CSMD1: variants seen among roughly 807,000 people sequenced by gnomAD.
The protein encoded by CSMD1 is CUB and sushi domain-containing protein 1.
Under a neutral mutation model 417.5 loss-of-function variants are expected in CSMD1, and 213 were observed. The ratio of observed to expected loss-of-function variants is 0.51; its 90% confidence interval spans 0.46 to 0.57. The LOEUF (loss-of-function observed/expected upper bound fraction) is 0.57, where lower values mean the gene tolerates loss of function less well. Ranked by LOEUF, CSMD1 falls within the 20% of genes least tolerant of loss-of-function variation. The pLI is 0.00. For missense variants in CSMD1, 6,923 were observed against 4,529.7 expected (o/e 1.53, Z -15.17); for synonymous variants, 2,862 against 1,736.8 (o/e 1.65, Z -16.11).
chr8:4,405,189 C>G (rs946017971), intron 3 of CSMD1, among the ~76,000 whole-genome samples: 4 of 152,124 alleles, frequency 2.6e-5, no homozygotes, highest in Admixed American at 2.6e-4. Flanking sequence ...TTTGTCAACA[C>G]AATGTATTTT....
chr8:4,470,369 C>G (rs1311722812), intron 2 of CSMD1, among the ~76,000 whole-genome samples: 3 of 152,196 alleles, frequency 2.0e-5, no homozygotes, highest in Non-Finnish European at 4.4e-5. Context: ...AATGCTTCCT[C>G]TCTCTTCCCT....
intron 3 of CSMD1, among the ~76,000 whole-genome samples, chr8:4,295,479 T>C (rs1411363442): frequency 7.0e-6 from 1 of 142,848 alleles, no homozygotes; most frequent in African/African-American, 2.5e-5. Context: ...TATACACATA[T>C]AATCTTAAGA....
chr8:4,184,832 G>A (rs1310314896), intron 3 of CSMD1, among the ~76,000 whole-genome samples: 2 of 151,942 alleles, frequency 1.3e-5, no homozygotes, highest in African/African-American at 4.8e-5. Flanking sequence ...ATGTACCCCT[G>A]AATTTAAAAT....
At chr8:4,582,687 C>A (rs893964793) in intron 2 of CSMD1, among the ~76,000 whole-genome samples, 1 of 152,232 alleles carries the variant, frequency 6.6e-6, no homozygotes, top group Admixed American at 6.5e-5. Context: ...AGCCCTCGCT[C>A]GCTCTCGGCG....
chr8:4,328,029 G>A (rs1358488716), intron 3 of CSMD1, among the ~76,000 whole-genome samples: 4 of 152,102 alleles, frequency 2.6e-5, no homozygotes, highest in African/African-American at 9.7e-5. Context: ...GAGGTACTTA[G>A]CGTCAGTTAT....
chr8:4,753,522 G>C (rs1271493620), intron 1 of CSMD1, among the ~76,000 whole-genome samples: 1 of 151,194 alleles, frequency 6.6e-6, no homozygotes, highest in East Asian at 1.9e-4. Flanking sequence ...GCCCACACTC[G>C]TTGCTCGGTA....
At chr8:4,034,559 C>T (rs773743908) in intron 3 of CSMD1, among the ~76,000 whole-genome samples, 1 of 152,080 alleles carries the variant, frequency 6.6e-6, no homozygotes, top group African/African-American at 2.4e-5. Context: ...TCCATTTTAT[C>T]AGGGCAGCCC....
intron 1 of CSMD1, among the ~76,000 whole-genome samples, chr8:4,759,960 T>C (rs1263644371): frequency 6.6e-6 from 1 of 152,252 alleles, no homozygotes; most frequent in Non-Finnish European, 1.5e-5. Context: ...AGGGTATTTC[T>C]GGTTTTAGAA....
chr8:3,006,295 A>C (rs1434036636), intron 52 of CSMD1, among the ~76,000 whole-genome samples: 1 of 151,586 alleles, frequency 6.6e-6, no homozygotes. Context: ...ACGGAAGAAC[A>C]TTCCATGCTC....
chr8:3,491,164 A>G (rs945403093), intron 11 of CSMD1, among the ~76,000 whole-genome samples: 1 of 152,164 alleles, frequency 6.6e-6, no homozygotes, highest in Non-Finnish European at 1.5e-5. Flanking sequence ...TCAGATGCAA[A>G]AGACTGTCAA....
At chr8:3,110,130 G>A (rs765742229) in intron 43 of CSMD1, 28 bp downstream of exon 43, 1 of 1,563,130 alleles carries the variant, frequency 6.4e-7, no homozygotes, top group East Asian at 2.3e-5. Flanking sequence ...CACAATTACA[G>A]ATATTTTGAC....
chr8:4,148,858 G>A (rs1415349312), intron 3 of CSMD1, among the ~76,000 whole-genome samples: 1 of 152,168 alleles, frequency 6.6e-6, no homozygotes, highest in Non-Finnish European at 1.5e-5. Flanking sequence ...TGGGAAAGAT[G>A]GCACATGGTC....
intron 3 of CSMD1, among the ~76,000 whole-genome samples, chr8:4,100,346 G>C (rs531637220): frequency 1.3e-5 from 2 of 152,248 alleles, no homozygotes; most frequent in South Asian, 2.1e-4. Flanking sequence ...GTGACTTCTA[G>C]ATTCTGGCAG....
chr8:3,555,775 A>G (rs1344587753), intron 10 of CSMD1, among the ~76,000 whole-genome samples: 1 of 152,190 alleles, frequency 6.6e-6, no homozygotes, highest in Non-Finnish European at 1.5e-5. Context: ...TTAGATAGTT[A>G]GATAGATGTA....
intron 3 of CSMD1, among the ~76,000 whole-genome samples, chr8:4,410,343 C>T (rs1796582057): frequency 6.6e-6 from 1 of 152,292 alleles, no homozygotes; most frequent in East Asian, 1.9e-4. Context: ...CTCATAGTGA[C>T]TGGGAAACTG....
At chr8:4,389,511 A>G (rs1803701953) in intron 3 of CSMD1, among the ~76,000 whole-genome samples, 1 of 152,192 alleles carries the variant, frequency 6.6e-6, no homozygotes, top group African/African-American at 2.4e-5. Context: ...TACAAAGGAT[A>G]ATATATCAGT....
intron 7 of CSMD1, among the ~76,000 whole-genome samples, chr8:3,673,274 T>A (rs998066866): frequency 6.6e-6 from 1 of 152,192 alleles, no homozygotes; most frequent in Non-Finnish European, 1.5e-5. Flanking sequence ...TTGTCCTCTT[T>A]TTCTCAAATC....
intron 68 of CSMD1, among the ~76,000 whole-genome samples, chr8:2,945,256 CTTATTT>C (rs1486159694): frequency 1.3e-5 from 2 of 152,052 alleles, no homozygotes; most frequent in African/African-American, 4.8e-5. Flanking sequence ...TTTCTCTTTT[CTTATTT>C]TTATAATTGG....
At chr8:3,856,187 C>T (rs1013030762) in intron 5 of CSMD1, among the ~76,000 whole-genome samples, 2 of 151,952 alleles carry the variant, frequency 1.3e-5, no homozygotes, top group African/African-American at 4.8e-5. Context: ...ACCATCCTCC[C>T]AGTGCTGTTC....
Sources: allele counts gnomAD v4.1 joint callset (sites outside exome capture counted in the v4.1 genomes callset), GRCh38; gene constraint gnomAD v4.1.1; transcripts MANE v1.5; gene names NCBI Gene and HGNC (gene_info 2026-07-23, HGNC 2026-07-21).